Variants in KLHL36 observed in about 807,000 individuals in gnomAD.
The protein encoded by KLHL36 is kelch like family member 36.
KLHL36 carries 35 observed loss-of-function variants against 53.3 expected under a neutral mutation model. The observed-to-expected ratio is 0.66, with a 90% CI of 0.50 to 0.87. The LOEUF is 0.87. Ranked by LOEUF, KLHL36 falls within the 40% of genes least tolerant of loss-of-function variation. KLHL36 has a pLI of 0.00. For synonymous variants in KLHL36, 472 were observed against 398.9 expected, an observed-to-expected ratio of 1.18 and a Z score of -2.18; for missense variants, 864 against 897.6, an observed-to-expected ratio of 0.96 and a Z score of 0.48.
At position 84,659,779 on chromosome 16, in the gene KLHL36, G is replaced by A. The variant is rs779560721; in HGVS notation, c.1157G>A (p.Arg386His). The A allele has an allele frequency of 6.8e-6, 11 of 1,614,014 alleles. No individual in the cohort carries two copies. Among genetic ancestry groups the A allele is most frequent in the Middle Eastern group, 1.6e-4 (1 of 6,084 alleles). ...QWIKVASMNQRRVDFYLASIE... is the reference protein window; with the variant it reads ...QWIKVASMNQHRVDFYLASIE... ...CCACAGGTGGCCTCCATGAACCAGC[G>A]CCGTGTGGATTTCTACCTTGCCTCC... is the stretch of plus-strand genomic sequence containing the variant. Residue 386 changes from arginine (R) to histidine (H), a missense_variant, in exon 4 of 5, where the codon CGC becomes CAC. Coordinates refer to ENST00000564996, the MANE Select transcript of KLHL36 (RefSeq NM_024731.4).
At chr16:84,650,277 C>T (rs1233427951) in intron 1 of KLHL36, among the ~76,000 whole-genome samples, 2 of 152,130 alleles carry the variant, frequency 1.3e-5, no homozygotes, top group Non-Finnish European at 2.9e-5. Context: ...ACATCCTCAT[C>T]TGCATCATGA....
At position 84,659,667 on chromosome 16, in the gene KLHL36, G is replaced by A. The variant is rs755605192; in HGVS notation, c.1138-93G>A. The A allele has an allele frequency of 7.8e-4, 1,001 of 1,287,242 alleles. 16 individuals are homozygous for A. The highest frequency in any genetic ancestry group is 7.2e-4 in the South Asian group (54 of 74,536). 79.7% of individuals were successfully genotyped at this position (1,287,242 alleles called of 1,614,324 possible). ...TTTCCCAAACATTCTCCGGGGTTGT[G>A]CATTCCGCAGACACATTTGGGAACC... On this transcript the variant is annotated intron_variant, in intron 3 of 4. Coordinates refer to ENST00000564996, the MANE Select transcript of KLHL36 (RefSeq NM_024731.4).
intron 1 of KLHL36, chr16:84,649,263 C>T (rs1249441927): frequency 6.6e-6 from 1 of 152,450 alleles, no homozygotes; most frequent in Non-Finnish European, 1.5e-5. Flanking sequence ...CAGACCCCAC[C>T]CCCACGCACT....
At position 84,657,748 on chromosome 16, in the gene KLHL36, A is replaced by T; in HGVS notation, c.941A>T (p.Asp314Val). 1.2e-6 allele frequency: 2 copies of T among 1,612,156 alleles called. No individual in the cohort carries two copies. The highest frequency in any genetic ancestry group is 2.2e-5 in the South Asian group (2 of 91,000). Residue 314 changes from aspartate (D) to valine (V), a missense_variant, in exon 3 of 5, where the codon GAC becomes GTC. Asp to Val is a radical substitution (Grantham distance 152). Transcript: ENST00000564996. Reference sequence around the variant, plus strand: ...GAGCGGTGTCTGGAGCTCAGTGACGACACCTGCTACCTGGACGCCAAGAGC... The same window carrying T: ...GAGCGGTGTCTGGAGCTCAGTGACGTCACCTGCTACCTGGACGCCAAGAGC... The part of the protein sequence containing the change: ...VSERCLELSD[D>V]TCYLDAKSEQ...
chr16:84,666,204 G>C lies in KLHL36; in HGVS notation c.*4071G>C, dbSNP rs955287209. On this transcript the variant is annotated 3_prime_UTR_variant, in exon 5 of 5. Transcript: ENST00000564996. ...GTTTTGATACTTTTTGATACAATTTGCTAATAACTGTTTTGTAGAATGCCT... is the reference window on the plus strand; with the variant it reads ...GTTTTGATACTTTTTGATACAATTTCCTAATAACTGTTTTGTAGAATGCCT... 6.6e-6 allele frequency: 1 copy of C among 152,228 alleles called. No individual in the cohort carries two copies. Among genetic ancestry groups the C allele is most frequent in the South Asian group, 2.1e-4 (1 of 4,834 alleles). 9.4% of individuals were successfully genotyped at this position (152,228 alleles called of 1,614,324 possible).
rs908360362 is a variant in KLHL36 at position 84,656,461 on chromosome 16, G to C, written c.64-410G>C. Among the ~76,000 whole-genome samples, 13 of 151,504 alleles carry C rather than the reference G, an allele frequency of 8.6e-5. 2 individuals carry two copies. Among genetic ancestry groups the C allele is most frequent in the Admixed American group, 6.6e-5 (1 of 15,218 alleles). ...AATTTTGTATTTTTAGTAGAGACAG[G>C]GTTTCACCATGTTGGCCAGGCTGCT... On this transcript the variant is annotated intron_variant, in intron 2 of 4. Coordinates refer to ENST00000564996, the MANE Select transcript of KLHL36 (RefSeq NM_024731.4).
chr16:84,660,321 T>C (rs1341366780), intron 4 of KLHL36, among the ~76,000 whole-genome samples: 1 of 151,992 alleles, frequency 6.6e-6, no homozygotes, highest in Non-Finnish European at 1.5e-5. Flanking sequence ...TCTGTAGAGG[T>C]AGACGATAAT....
At chr16:84,658,205 G>C (rs924915299) in intron 3 of KLHL36, 11 of 359,320 alleles carry the variant, frequency 3.1e-5, no homozygotes, top group African/African-American at 1.9e-4. Context: ...GGAAGGGTCT[G>C]TCTGTACTTC....
At chr16:84,654,902 G>A (rs1272587839) in intron 2 of KLHL36, among the ~76,000 whole-genome samples, 6 of 152,298 alleles carry the variant, frequency 3.9e-5, no homozygotes, top group East Asian at 3.9e-4. Context: ...GAGCCACCAC[G>A]CCCGGCTGAG....
rs996332641 is a variant in KLHL36 at position 84,664,329 on chromosome 16, T to C, written c.*2196T>C. On this transcript the variant is annotated 3_prime_UTR_variant, in exon 5 of 5. Coordinates refer to ENST00000564996, the MANE Select transcript of KLHL36 (RefSeq NM_024731.4). ...CTCGGGGCAAGTTGGGGAGAGCACA[T>C]AGAAAGACTCTGTGAGTGATTTGGG... is the stretch of plus-strand genomic sequence containing the variant. 8 of 152,176 alleles carry C rather than the reference T, an allele frequency of 5.3e-5. No individual in the cohort carries two copies. Among genetic ancestry groups the C allele is most frequent in the African/African-American group, 1.9e-4 (8 of 41,406 alleles). 9.4% of individuals were successfully genotyped at this position (152,176 alleles called of 1,614,324 possible).
At chr16:84,658,417 A>C (rs565295032) in intron 3 of KLHL36, 1 of 152,974 alleles carries the variant, frequency 6.5e-6, no homozygotes, top group East Asian at 1.9e-4. Context: ...CAGGTCCTGG[A>C]GTCTCTGTGG....
rs745343394 is a variant in KLHL36, at chr16:84,650,891, G to A, written c.24G>A (p.Thr8=). MMEGSRQ[T]RVSRPYKISE... ...TAATGATGGAGGGAAGCAGGCAGAC[G>A]CGAGTGTCTCGGCCATACAAGATCA... The change falls in exon 2 of 5, where the codon ACG becomes ACA. Residue 8 remains threonine, a synonymous_variant. Transcript: ENST00000564996. 20 of 1,611,548 alleles carry A rather than the reference G, an allele frequency of 1.2e-5. No individual in the cohort carries two copies. The highest frequency in any genetic ancestry group is 6.7e-5 in the African/African-American group (5 of 74,566).
At chr16:84,660,233 T>G (rs997056784) in intron 4 of KLHL36, among the ~76,000 whole-genome samples, 1 of 151,444 alleles carries the variant, frequency 6.6e-6, no homozygotes, top group Admixed American at 6.6e-5. Flanking sequence ...GCAGGAGGAG[T>G]TCAAAGAGAT....
At chr16:84,651,644 G>A (rs1056772729) in intron 2 of KLHL36, among the ~76,000 whole-genome samples, 9 of 152,130 alleles carry the variant, frequency 5.9e-5, no homozygotes, top group African/African-American at 2.2e-4. Flanking sequence ...CCCTTTTGGA[G>A]ATTAAATCTT....
Position 84,656,911 on chromosome 16 carries a change from G to A in KLHL36, c.104G>A (p.Arg35Gln), listed in dbSNP as rs1416985806. The A allele has an allele frequency of 8.1e-6, 13 of 1,612,366 alleles. No individual in the cohort carries two copies. Among genetic ancestry groups the A allele is most frequent in the East Asian group, 6.7e-5 (3 of 44,876 alleles). The change falls in exon 3 of 5, where the codon CGG becomes CAG. Residue 35 changes from arginine (R) to glutamine (Q), a missense_variant. By Grantham distance (43) the Arg-to-Gln change is conservative. Coordinates refer to ENST00000564996, the MANE Select transcript of KLHL36 (RefSeq NM_024731.4). ...WADHSSTVLQ[R>Q]LNEQRLRGLF... Reference sequence around the variant, plus strand: ...GACCACTCAAGCACGGTGCTGCAGCGGCTGAACGAGCAGCGTCTCCGCGGG... The same window carrying A: ...GACCACTCAAGCACGGTGCTGCAGCAGCTGAACGAGCAGCGTCTCCGCGGG...
chr16:84,651,952 G>C (rs899754100), intron 2 of KLHL36, among the ~76,000 whole-genome samples: 4 of 152,146 alleles, frequency 2.6e-5, no homozygotes, highest in Non-Finnish European at 4.4e-5. Flanking sequence ...AAGGGGGAAA[G>C]AGATTCTACA....
chr16:84,650,523 G>A (rs1473638773), intron 1 of KLHL36, among the ~76,000 whole-genome samples: 1 of 152,116 alleles, frequency 6.6e-6, no homozygotes, highest in Non-Finnish European at 1.5e-5. Flanking sequence ...AGCTTGGTTC[G>A]AGGGCTGTAG....
chr16:84,653,483 C>G (rs1597215092), intron 2 of KLHL36, among the ~76,000 whole-genome samples: 1 of 152,084 alleles, frequency 6.6e-6, no homozygotes, highest in East Asian at 1.9e-4. Context: ...GGAAATAGGC[C>G]AGGCGCAGTG....
At chr16:84,651,625 T>C (rs927015870) in intron 2 of KLHL36, among the ~76,000 whole-genome samples, 1 of 152,196 alleles carries the variant, frequency 6.6e-6, no homozygotes, top group East Asian at 1.9e-4. Flanking sequence ...CTCTGTTCTT[T>C]AGAGGTATCC....
Sources: allele counts gnomAD v4.1 joint callset (sites outside exome capture counted in the v4.1 genomes callset), GRCh38; gene constraint gnomAD v4.1.1; transcripts MANE v1.5; gene names NCBI Gene and HGNC (gene_info 2026-07-23, HGNC 2026-07-21).